The following EHBP1 variants were observed in gnomAD, a reference collection of about 807,000 sequenced individuals.
EHBP1 encodes EH domain-binding protein 1.
EHBP1 carries 55 observed loss-of-function variants against 144.0 expected under a neutral mutation model. That is an observed-to-expected ratio of 0.38 (90% CI 0.31 to 0.48). The LOEUF is 0.48. EHBP1 is among the 20% of genes least tolerant of loss of function. The probability of loss-of-function intolerance (pLI) is 0.98; values close to 1 mark genes in which losing one functional copy is unlikely to be tolerated. For missense variants in EHBP1, 1,200 were observed against 1,364.2 expected (o/e 0.88, Z 1.90); for synonymous variants, 469 against 472.7 (o/e 0.99, Z 0.10).
intron 1 of EHBP1, among the ~76,000 whole-genome samples, chr2:62,680,051 A>C (rs1325955126): frequency 6.6e-6 from 1 of 152,248 alleles, no homozygotes; most frequent in East Asian, 1.9e-4. Context: ...TCCTTCCCTT[A>C]TAATTGTTTA....
At chr2:62,847,008 C>T (rs2048341864) in intron 7 of EHBP1, among the ~76,000 whole-genome samples, 1 of 151,960 alleles carries the variant, frequency 6.6e-6, no homozygotes. Flanking sequence ...TTTGGGGATG[C>T]AAAGTAACCA....
At chr2:62,908,727 C>T (rs1431274712) in intron 10 of EHBP1, among the ~76,000 whole-genome samples, 3 of 152,022 alleles carry the variant, frequency 2.0e-5, no homozygotes, top group Non-Finnish European at 4.4e-5. Context: ...ATGTCTTTCT[C>T]TTCTTGATTT....
intron 14 of EHBP1, among the ~76,000 whole-genome samples, chr2:62,963,733 A>T (rs1191055833): frequency 6.6e-6 from 1 of 152,254 alleles, no homozygotes; most frequent in Non-Finnish European, 1.5e-5. Flanking sequence ...CTTTAATAAC[A>T]TATAGAGTGA....
intron 18 of EHBP1, among the ~76,000 whole-genome samples, chr2:62,994,357 T>C (rs1035083852): frequency 1.3e-5 from 2 of 152,128 alleles, no homozygotes; most frequent in Non-Finnish European, 2.9e-5. Flanking sequence ...ACCCATTTTG[T>C]TGGCTTGGGT....
chr2:62,712,595 G>A (rs1386364360), intron 2 of EHBP1, among the ~76,000 whole-genome samples: 2 of 152,218 alleles, frequency 1.3e-5, no homozygotes, highest in Non-Finnish European at 2.9e-5. Flanking sequence ...TAACTGAGGG[G>A]AAGAGAGACA....
intron 7 of EHBP1, among the ~76,000 whole-genome samples, chr2:62,845,909 G>A (rs1428822980): frequency 1.3e-5 from 2 of 152,088 alleles, no homozygotes; most frequent in Non-Finnish European, 2.9e-5. Flanking sequence ...GGGAATAGGA[G>A]GAAAGCAGAG....
intron 19 of EHBP1, among the ~76,000 whole-genome samples, chr2:63,014,988 A>G (rs1449253767): frequency 6.6e-6 from 1 of 152,176 alleles, no homozygotes; most frequent in East Asian, 1.9e-4. Context: ...CAAAAAAAAA[A>G]GATATTTGAG....
At chr2:62,839,217 A>G (rs554943121) in intron 7 of EHBP1, among the ~76,000 whole-genome samples, 156 of 152,294 alleles carry the variant, frequency 1.0e-3, no homozygotes, top group Non-Finnish European at 2.0e-3. Context: ...AATCCAGCAT[A>G]TAAACAGAAC....
intron 15 of EHBP1, among the ~76,000 whole-genome samples, chr2:62,981,580 T>C (rs2058973319): frequency 6.6e-6 from 1 of 152,178 alleles, no homozygotes; most frequent in South Asian, 2.1e-4. Flanking sequence ...ATACAGTTGG[T>C]CCTATCTTTA....
intron 14 of EHBP1, among the ~76,000 whole-genome samples, chr2:62,977,840 G>A (rs1214241025): frequency 6.6e-6 from 1 of 152,124 alleles, no homozygotes; most frequent in Non-Finnish European, 1.5e-5. Context: ...ATAGAGGAAG[G>A]ATTACTTTAT....
At chr2:62,703,797 G>A (rs953617234), upstream of EHBP1, among the ~76,000 whole-genome samples, 1 of 152,034 alleles carries the variant, frequency 6.6e-6, no homozygotes, top group African/African-American at 2.4e-5. Context: ...TACTTTTAAG[G>A]GAATTTCTTT....
intron 19 of EHBP1, among the ~76,000 whole-genome samples, chr2:62,999,497 C>T (rs2059766892): frequency 6.6e-6 from 1 of 152,144 alleles, no homozygotes; most frequent in Non-Finnish European, 1.5e-5. Flanking sequence ...ATTTCCTTCT[C>T]CCCCAATCCC....
chr2:62,910,767 G>T (rs1305089514), intron 10 of EHBP1, among the ~76,000 whole-genome samples: 1 of 152,058 alleles, frequency 6.6e-6, no homozygotes, highest in Non-Finnish European at 1.5e-5. Flanking sequence ...AGCTAAAATA[G>T]CTGCAAGGTC....
In EHBP1 at chr2:62,835,410, TAATA is replaced by T. The variant is rs899217182; in HGVS notation, c.634+4262_634+4265del. ...TTTCATTTTAGGCTGGTATTCTCTC[TAATA>T]AATAAATAAGCCAGACAAAGAAATG... On this transcript the variant is annotated intron_variant, in intron 7 of 22. Transcript: ENST00000431489. 1.3e-4 allele frequency among the ~76,000 whole-genome samples: 19 copies of T among 151,924 alleles called. No homozygotes were observed. In the South Asian group the frequency reaches 2.5e-3, roughly 20 times the overall value.
chr2:62,718,001 C>T lies in EHBP1; in HGVS notation c.104+10706C>T, dbSNP rs10173188. ...ATTGGCTCTTTAATAGTCCTCCTGGCTAAAGAAAGTATATAAATTTGTTTG... is the reference window on the plus strand; with the variant it reads ...ATTGGCTCTTTAATAGTCCTCCTGGTTAAAGAAAGTATATAAATTTGTTTG... On this transcript the variant is annotated intron_variant, in intron 2 of 22. Coordinates refer to ENST00000431489, the MANE Select transcript of EHBP1 (RefSeq NM_001142616.3). Among the ~76,000 whole-genome samples the T allele has an allele frequency of 2.2e-3, 336 of 152,220 alleles. 1 individual carries two copies. Among genetic ancestry groups the T allele is most frequent in the African/African-American group, 7.7e-3 (321 of 41,530 alleles).
chr2:62,747,838 C>T (rs2039303956), intron 3 of EHBP1, among the ~76,000 whole-genome samples: 1 of 151,932 alleles, frequency 6.6e-6, no homozygotes, highest in Non-Finnish European at 1.5e-5. Flanking sequence ...GGACTTCTCC[C>T]TTGTGAATTC....
intron 5 of EHBP1, among the ~76,000 whole-genome samples, chr2:62,811,699 C>G (rs1399853701): frequency 1.3e-5 from 2 of 152,144 alleles, no homozygotes; most frequent in African/African-American, 4.8e-5. Context: ...ATAAGGTGTT[C>G]TTGCATTGGG....
intron 19 of EHBP1, among the ~76,000 whole-genome samples, chr2:63,024,465 G>A (rs2060888418): frequency 6.6e-6 from 1 of 152,070 alleles, no homozygotes; most frequent in Admixed American, 6.6e-5. Context: ...AGCTCAGCAT[G>A]GTGGCATGTG....
At chr2:62,920,697 G>C (rs2055003254) in intron 10 of EHBP1, among the ~76,000 whole-genome samples, 1 of 151,560 alleles carries the variant, frequency 6.6e-6, no homozygotes, top group African/African-American at 2.4e-5. Context: ...GAGTCTCTCT[G>C]TGTCACCTGG....
Sources: allele counts gnomAD v4.1 joint callset (sites outside exome capture counted in the v4.1 genomes callset), GRCh38; gene constraint gnomAD v4.1.1; transcripts MANE v1.5; gene names NCBI Gene and HGNC (gene_info 2026-07-23, HGNC 2026-07-21).